LRP1B: variants seen among roughly 807,000 people sequenced by gnomAD.
The protein encoded by LRP1B is low-density lipoprotein receptor-related protein 1B.
A neutral mutation model predicts 556.6 loss-of-function variants in LRP1B; 217 were observed. The observed-to-expected ratio is 0.39, with a 90% CI of 0.35 to 0.44. The LOEUF is 0.44. Ranked by LOEUF, LRP1B falls within the 20% of genes least tolerant of loss-of-function variation. LRP1B has a pLI of 1.00. For synonymous variants in LRP1B, 2,047 were observed against 1,865.8 expected (o/e 1.10, Z -2.50); for missense variants, 5,053 against 5,620.8 (o/e 0.90, Z 3.23).
At chr2:141,726,543 T>A (rs761694396) in intron 2 of LRP1B, among the ~76,000 whole-genome samples, 7 of 152,022 alleles carry the variant, frequency 4.6e-5, no homozygotes, top group African/African-American at 9.7e-5. Flanking sequence ...AACATTGTAA[T>A]CCATTTTAAA....
At chr2:140,797,742 A>G (rs1447315386) in intron 32 of LRP1B, among the ~76,000 whole-genome samples, 1 of 152,160 alleles carries the variant, frequency 6.6e-6, no homozygotes, top group Admixed American at 6.6e-5. Flanking sequence ...GCTATTTTTT[A>G]ACTAGAATAA....
chr2:141,907,007 G>A (rs776334983), intron 1 of LRP1B, among the ~76,000 whole-genome samples: 15 of 151,978 alleles, frequency 9.9e-5, no homozygotes, highest in Non-Finnish European at 1.8e-4. Context: ...CTTCAAAACA[G>A]ATTGTATTTA....
chr2:142,082,435 G>C (rs1239317409), intron 1 of LRP1B, among the ~76,000 whole-genome samples: 1 of 152,002 alleles, frequency 6.6e-6, no homozygotes, highest in African/African-American at 2.4e-5. Context: ...AGAAGTAATA[G>C]GCATTTAGTG....
At chr2:141,597,993 G>C (rs1687584461) in intron 2 of LRP1B, among the ~76,000 whole-genome samples, 1 of 151,972 alleles carries the variant, frequency 6.6e-6, no homozygotes, top group African/African-American at 2.4e-5. Flanking sequence ...AAAGAAAATG[G>C]CCTACACTGA....
At chr2:140,766,688 C>T (rs947995104) in intron 35 of LRP1B, among the ~76,000 whole-genome samples, 37 of 150,138 alleles carry the variant, frequency 2.5e-4, no homozygotes, top group Non-Finnish European at 3.4e-4. Flanking sequence ...TGTTTATTGC[C>T]CCAGAGTAGT....
chr2:140,661,229 A>T (rs1430802569), intron 41 of LRP1B, among the ~76,000 whole-genome samples: 4 of 152,164 alleles, frequency 2.6e-5, no homozygotes, highest in Non-Finnish European at 2.9e-5. Flanking sequence ...CTATTAAAAA[A>T]CATGATAGGG....
chr2:141,428,161 T>C (rs1680437234), intron 3 of LRP1B, among the ~76,000 whole-genome samples: 2 of 152,340 alleles, frequency 1.3e-5, no homozygotes, highest in South Asian at 4.1e-4. Context: ...CAAAGTGGTT[T>C]TCTGTTTCAG....
At chr2:140,447,970 C>A (rs1471015084) in intron 63 of LRP1B, among the ~76,000 whole-genome samples, 2 of 151,906 alleles carry the variant, frequency 1.3e-5, no homozygotes, top group Non-Finnish European at 1.5e-5. Flanking sequence ...AGTTTGTTGT[C>A]TTTTATGGAT....
intron 1 of LRP1B, among the ~76,000 whole-genome samples, chr2:142,066,713 C>T (rs1705122873): frequency 2.6e-5 from 4 of 151,398 alleles, no homozygotes; most frequent in Non-Finnish European, 1.5e-5. Flanking sequence ...TATTTTTTAT[C>T]ATGCTCTTCA....
At chr2:142,102,663 C>T (rs1026345138) in intron 1 of LRP1B, among the ~76,000 whole-genome samples, 4 of 151,616 alleles carry the variant, frequency 2.6e-5, no homozygotes, top group Non-Finnish European at 5.9e-5. Context: ...CTATGAAACT[C>T]GTGCCACAAA....
intron 1 of LRP1B, among the ~76,000 whole-genome samples, chr2:141,842,319 A>G (rs180817300): frequency 6.6e-6 from 1 of 152,218 alleles, no homozygotes; most frequent in East Asian, 1.9e-4. Context: ...AGATTTGTCT[A>G]CCACAGAGAA....
intron 1 of LRP1B, among the ~76,000 whole-genome samples, chr2:142,018,911 G>T (rs2105172075): frequency 6.6e-6 from 1 of 151,878 alleles, no homozygotes; most frequent in Non-Finnish European, 1.5e-5. Context: ...TGTCTGTAAA[G>T]ATCTTGAATT....
intron 3 of LRP1B, among the ~76,000 whole-genome samples, chr2:141,315,495 G>A (rs1352780974): frequency 2.6e-5 from 4 of 151,738 alleles, no homozygotes; most frequent in South Asian, 2.1e-4. Context: ...TCCTGACCTC[G>A]TGATCCACCT....
chr2:140,797,917 A>T (rs989705698), intron 32 of LRP1B, among the ~76,000 whole-genome samples: 11 of 152,076 alleles, frequency 7.2e-5, no homozygotes, highest in African/African-American at 2.6e-4. Flanking sequence ...TACCTGAATG[A>T]CTCACTCCGG....
chr2:141,295,676 T>G (rs1274108228), intron 3 of LRP1B, among the ~76,000 whole-genome samples: 1 of 151,804 alleles, frequency 6.6e-6, no homozygotes, highest in Non-Finnish European at 1.5e-5. Flanking sequence ...TATAGATGTC[T>G]TTTTCCCTAG....
chr2:140,946,509 G>T lies in LRP1B; in HGVS notation c.3136+3726C>A, dbSNP rs190559570. ...CAAGCTACTTGGGAGGCTGAGGCAT[G>T]AGAGTTGCGTGAACCCAGGAGGTGG... On this transcript the variant is annotated intron_variant, in intron 20 of 90. Coordinates refer to ENST00000389484, the MANE Select transcript of LRP1B (RefSeq NM_018557.3). Among the ~76,000 whole-genome samples the T allele has an allele frequency of 6.6e-3, 1,008 of 152,184 alleles. 35 individuals are homozygous for T. The highest frequency in any genetic ancestry group is 0.059 in the Admixed American group (897 of 15,272).
At chr2:140,980,445 T>C (rs1696733078) in intron 18 of LRP1B, among the ~76,000 whole-genome samples, 1 of 152,192 alleles carries the variant, frequency 6.6e-6, no homozygotes, top group Admixed American at 6.6e-5. Flanking sequence ...TATTCTATTA[T>C]ATACGTAAAA....
intron 1 of LRP1B, among the ~76,000 whole-genome samples, chr2:141,891,775 T>C (rs1314815742): frequency 2.0e-5 from 3 of 152,112 alleles, no homozygotes; most frequent in Non-Finnish European, 4.4e-5. Context: ...CTGCTATTCC[T>C]TCATATTAAT....
chr2:140,673,798 C>T (rs547891853), intron 41 of LRP1B, among the ~76,000 whole-genome samples: 1 of 152,232 alleles, frequency 6.6e-6, no homozygotes, highest in South Asian at 2.1e-4. Flanking sequence ...ACTATACCCT[C>T]TCCCTTTTGG....
Sources: gnomAD v4.1 joint callset for allele counts (sites outside exome capture counted in the v4.1 genomes callset) on GRCh38, gnomAD v4.1.1 for gene constraint, MANE v1.5 for transcripts, NCBI Gene and HGNC (gene_info 2026-07-23, HGNC 2026-07-21) for gene names.